The following CLYBL variants were observed in gnomAD, a reference collection of about 807,000 sequenced individuals.
CLYBL encodes the protein citramalyl-CoA lyase, mitochondrial.
A neutral mutation model predicts 38.9 loss-of-function variants in CLYBL; 31 were observed. That is an observed-to-expected ratio of 0.80 (90% CI 0.60 to 1.08). The LOEUF is 1.08. Among genes scored for constraint, CLYBL ranks in the 50% least tolerant of loss-of-function variants. The pLI is 0.00. For missense variants in CLYBL, 434 were observed against 411.6 expected, an observed-to-expected ratio of 1.05 and a Z score of -0.47; for synonymous variants, 171 against 158.6, an observed-to-expected ratio of 1.08 and a Z score of -0.59.
At chr13:99,888,703 A>G (rs1308434922) in intron 7 of CLYBL, among the ~76,000 whole-genome samples, 1 of 152,118 alleles carries the variant, frequency 6.6e-6, no homozygotes, top group African/African-American at 2.4e-5. Context: ...GAGCCGAGGT[A>G]ACACCACTGC....
intron 1 of CLYBL, among the ~76,000 whole-genome samples, chr13:99,611,042 T>A (rs1313674128): frequency 6.6e-6 from 1 of 152,210 alleles, no homozygotes; most frequent in Non-Finnish European, 1.5e-5. Flanking sequence ...GAAATGGGGC[T>A]TTCCCCCTCT....
chr13:99,702,619 T>C (rs375943049), intron 1 of CLYBL, among the ~76,000 whole-genome samples: 2 of 129,302 alleles, frequency 1.5e-5, no homozygotes, highest in East Asian at 4.4e-4. Flanking sequence ...GCAACAAGAG[T>C]GAAATTCCGT....
At chr13:99,744,718 G>A (rs1001673411) in intron 1 of CLYBL, among the ~76,000 whole-genome samples, 3 of 152,196 alleles carry the variant, frequency 2.0e-5, no homozygotes, top group Non-Finnish European at 2.9e-5. Flanking sequence ...AGAGAGATGG[G>A]AGGTACCCAG....
chr13:99,668,075 A>G (rs1464515863), intron 1 of CLYBL, among the ~76,000 whole-genome samples: 1 of 151,950 alleles, frequency 6.6e-6, no homozygotes, highest in Non-Finnish European at 1.5e-5. Flanking sequence ...GAAGTTCGAG[A>G]ACAGCCTGGG....
chr13:99,716,833 C>T (rs557848963), intron 1 of CLYBL, among the ~76,000 whole-genome samples: 12 of 139,076 alleles, frequency 8.6e-5, no homozygotes, highest in African/African-American at 3.4e-4. Flanking sequence ...CTCTTGTTGC[C>T]CAGGCTGGAG....
intron 2 of CLYBL, among the ~76,000 whole-genome samples, chr13:99,836,773 C>G (rs2050944727): frequency 6.6e-6 from 1 of 151,988 alleles, no homozygotes; most frequent in Non-Finnish European, 1.5e-5. Flanking sequence ...GTGGTCCTTG[C>G]TTAGCTGTAA....
intron 1 of CLYBL, among the ~76,000 whole-genome samples, chr13:99,667,575 C>CTAG (rs1448147951): frequency 1.3e-5 from 2 of 151,802 alleles, no homozygotes; most frequent in Admixed American, 1.3e-4. Context: ...CCTCAATTTC[C>CTAG]TAGTAGTTTT....
chr13:99,837,079 C>G (rs1260246308), intron 2 of CLYBL, among the ~76,000 whole-genome samples: 1 of 152,094 alleles, frequency 6.6e-6, no homozygotes, highest in Non-Finnish European at 1.5e-5. Context: ...GAGGTCCCCA[C>G]TTAATGCATA....
chr13:99,844,114 T>G (rs1322271471), intron 2 of CLYBL, among the ~76,000 whole-genome samples: 1 of 151,876 alleles, frequency 6.6e-6, no homozygotes, highest in Non-Finnish European at 1.5e-5. Context: ...GTTTACTGAG[T>G]GTAAGCAGAA....
chr13:99,871,183 G>A lies in CLYBL; in HGVS notation c.927+121G>A, dbSNP rs2051885914. Reference sequence around the variant, plus strand: ...CATCGTATCTGGAGAGGGGGGAAAGGGAGGGAACACAACATTCACCAGTGA... The same window carrying A: ...CATCGTATCTGGAGAGGGGGGAAAGAGAGGGAACACAACATTCACCAGTGA... On this transcript the variant is annotated intron_variant, in intron 7 of 8. Transcript: ENST00000339105. 6 of 1,153,622 alleles carry A rather than the reference G, an allele frequency of 5.2e-6. No individual in the cohort carries two copies. The East Asian group carries it at 1.5e-4, about 28-fold the overall frequency. The allele number at this position is 1,153,622 out of a possible 1,614,324, so 71.5% of individuals were successfully genotyped here.
At chr13:99,877,468 C>A in intron 7 of CLYBL, 2 of 285,136 alleles carry the variant, frequency 7.0e-6, no homozygotes, top group Admixed American at 5.0e-5. Context: ...ACACCCCAGG[C>A]CATCCCTCAC....
chr13:99,825,461 CT>C, intron 2 of CLYBL, among the ~76,000 whole-genome samples: 1 of 152,140 alleles, frequency 6.6e-6, no homozygotes, highest in Non-Finnish European at 1.5e-5. Context: ...AAATGACACA[CT>C]TTTGTTCCAG....
At position 99,647,130 on chromosome 13, in the gene CLYBL, T is replaced by A. The variant is rs368037332; in HGVS notation, c.62+40373T>A. ...CTGCCCACACCTAAGGGGGGCTGGGTGGCCAGTGTTTGAAAGGCTTATAAG... is the reference window on the plus strand; with the variant it reads ...CTGCCCACACCTAAGGGGGGCTGGGAGGCCAGTGTTTGAAAGGCTTATAAG... On this transcript the variant is annotated intron_variant, in intron 1 of 8. Coordinates refer to ENST00000339105, the MANE Select transcript of CLYBL (RefSeq NM_206808.5). Among the ~76,000 whole-genome samples, 99 of 152,290 alleles carry A rather than the reference T, an allele frequency of 6.5e-4. 1 individual carries two copies. In the South Asian group the frequency reaches 0.02, roughly 30 times the overall value.
At chr13:99,847,669 C>T (rs997012200) in intron 2 of CLYBL, among the ~76,000 whole-genome samples, 4 of 152,170 alleles carry the variant, frequency 2.6e-5, no homozygotes, top group Admixed American at 6.5e-5. Flanking sequence ...GAGAAACCCA[C>T]GTACAGATAC....
intron 1 of CLYBL, 36 bp downstream of exon 1, chr13:99,606,793 C>G: frequency 1.5e-6 from 2 of 1,347,876 alleles, no homozygotes; most frequent in Non-Finnish European, 1.9e-6. Flanking sequence ...CTTCCCGGCC[C>G]GGCTCGCCGC....
chr13:99,755,367 C>T (rs988363668), intron 1 of CLYBL, among the ~76,000 whole-genome samples: 1 of 152,122 alleles, frequency 6.6e-6, no homozygotes, highest in African/African-American at 2.4e-5. Flanking sequence ...TCTCTGATGC[C>T]GTACTAATGG....
intron 1 of CLYBL, among the ~76,000 whole-genome samples, chr13:99,695,943 G>A (rs2047973254): frequency 1.3e-5 from 2 of 152,204 alleles, no homozygotes; most frequent in South Asian, 4.1e-4. Context: ...TCAGTTTACA[G>A]TACTCAGTAG....
chr13:99,819,580 C>T (rs190662200), intron 2 of CLYBL, among the ~76,000 whole-genome samples: 62 of 150,616 alleles, frequency 4.1e-4, no homozygotes, highest in Non-Finnish European at 4.4e-5. Context: ...GAAAGTTCTG[C>T]GATCTGCTGT....
chr13:99,733,753 T>G (rs537121157), intron 1 of CLYBL, among the ~76,000 whole-genome samples: 1 of 152,350 alleles, frequency 6.6e-6, no homozygotes, highest in East Asian at 1.9e-4. Context: ...AAACTGGAGT[T>G]TAATTCACAA....
Sources: gnomAD v4.1 joint callset for allele counts (sites outside exome capture counted in the v4.1 genomes callset) on GRCh38, gnomAD v4.1.1 for gene constraint, MANE v1.5 for transcripts, NCBI Gene and HGNC (gene_info 2026-07-23, HGNC 2026-07-21) for gene names.